Variants in KCNMA1 observed in about 807,000 individuals in gnomAD.
The protein encoded by KCNMA1 is Calcium-activated potassium channel subunit alpha-1.
KCNMA1 carries 29 observed loss-of-function variants against 140.0 expected under a neutral mutation model. The ratio of observed to expected loss-of-function variants is 0.21; its 90% CI spans 0.15 to 0.28. The LOEUF (loss-of-function observed/expected upper bound fraction) is 0.28. KCNMA1 is among the 10% of genes least tolerant of loss of function. The pLI, the probability that KCNMA1 is intolerant of heterozygous loss-of-function variation, is 1.00. For missense variants in KCNMA1, 880 were observed against 1,602.2 expected (o/e 0.55, Z 7.70); for synonymous variants, 612 against 611.9 (o/e 1.00, Z 0.00).
chr10:77,198,123 G>A lies in KCNMA1; in HGVS notation c.603-13207C>T, dbSNP rs2041216083. ...CATCAACCATAATTGTTAAGATGTT[G>A]TGAAAATTCAGGAGAAACAAGGCAT... is the stretch of plus-strand genomic sequence containing the variant. On this transcript the variant is annotated intron_variant, in intron 3 of 27. Transcript: ENST00000286628. Among the ~76,000 whole-genome samples the A allele has an allele frequency of 3.3e-5, 5 of 152,270 alleles. No individual in the cohort carries two copies. The South Asian group carries it at 1.0e-3, about 32-fold the overall frequency.
chr10:77,491,714 TAC>T (rs3071912), intron 1 of KCNMA1, among the ~76,000 whole-genome samples: 18,904 of 145,414 alleles, frequency 0.13, 1,378 homozygotes, highest in Middle Eastern at 0.22. Flanking sequence ...TTAGAAGTCA[TAC>T]ACACACACAC....
Position 76,887,260 on chromosome 10 carries a change from C to G in KCNMA1, c.*6G>C. 6.2e-7 allele frequency: 1 copy of G among 1,613,960 alleles called. No individual in the cohort carries two copies. Among genetic ancestry groups the G allele is most frequent in the African/African-American group, 1.3e-5 (1 of 74,972 alleles). ...CAGTTTCACACAGTGGCGGTGGATA[C>G]ACATATCAAAGCCGCTCTTCCTGCA... On this transcript the variant is annotated 3_prime_UTR_variant, in exon 28 of 28. Transcript: ENST00000286628.
intron 1 of KCNMA1, among the ~76,000 whole-genome samples, chr10:77,591,179 G>A (rs560495727): frequency 4.6e-5 from 7 of 152,130 alleles, no homozygotes; most frequent in African/African-American, 1.2e-4. Context: ...TCCTCTGGGG[G>A]CTCAGACTCC....
intron 5 of KCNMA1, among the ~76,000 whole-genome samples, chr10:77,181,814 A>T (rs898633273): frequency 6.6e-6 from 1 of 152,206 alleles, no homozygotes; most frequent in Non-Finnish European, 1.5e-5. Flanking sequence ...CTAACCAAGC[A>T]TATCTCAGGT....
chr10:77,183,218 G>C (rs1360332821), intron 5 of KCNMA1, among the ~76,000 whole-genome samples: 1 of 152,220 alleles, frequency 6.6e-6, no homozygotes, highest in Non-Finnish European at 1.5e-5. Context: ...TGCACTGCCT[G>C]AAGCGCAAAC....
At chr10:77,185,078 T>C (rs1181026126) in intron 3 of KCNMA1, among the ~76,000 whole-genome samples, 162 bp from the exon 4 acceptor site, 1 of 152,156 alleles carries the variant, frequency 6.6e-6, no homozygotes, top group East Asian at 1.9e-4. Flanking sequence ...CAAGCAAGCA[T>C]TGCCAAGGGG....
intron 1 of KCNMA1, among the ~76,000 whole-genome samples, chr10:77,455,488 G>T (rs2097746376): frequency 1.3e-5 from 2 of 152,140 alleles, no homozygotes; most frequent in Non-Finnish European, 2.9e-5. Context: ...GTGAGGCTCA[G>T]TGATTTCCTT....
At chr10:77,086,931 C>A (rs541120487) in intron 10 of KCNMA1, among the ~76,000 whole-genome samples, 1 of 152,160 alleles carries the variant, frequency 6.6e-6, no homozygotes, top group Non-Finnish European at 1.5e-5. Context: ...TCATTTTATG[C>A]GGACTGTGCC....
intron 2 of KCNMA1, among the ~76,000 whole-genome samples, chr10:77,305,713 T>C (rs757890773): frequency 9.9e-5 from 15 of 152,180 alleles, no homozygotes; most frequent in Non-Finnish European, 1.9e-4. Flanking sequence ...AGCTGCTCCA[T>C]AGGCTACCTG....
intron 2 of KCNMA1, among the ~76,000 whole-genome samples, chr10:77,254,803 G>C (rs1431917144): frequency 6.6e-6 from 1 of 152,130 alleles, no homozygotes; most frequent in Admixed American, 6.5e-5. Flanking sequence ...TATAGTTTCA[G>C]GGACAAGGAG....
At chr10:77,520,843 A>T (rs1381272714) in intron 1 of KCNMA1, among the ~76,000 whole-genome samples, 1 of 152,154 alleles carries the variant, frequency 6.6e-6, no homozygotes, top group African/African-American at 2.4e-5. Flanking sequence ...GCCTCAGGGA[A>T]AGGCGTGAAC....
intron 1 of KCNMA1, among the ~76,000 whole-genome samples, chr10:77,428,960 A>G (rs595386): frequency 0.49 from 74,087 of 151,990 alleles, 19,638 homozygotes; most frequent in African/African-American, 0.7. Context: ...GGGTGGAAAC[A>G]AGACCCAGGA....
intron 9 of KCNMA1, among the ~76,000 whole-genome samples, chr10:77,106,634 G>T (rs564725955): frequency 1.3e-5 from 2 of 152,306 alleles, no homozygotes; most frequent in East Asian, 3.9e-4. Flanking sequence ...CAGTGATTGG[G>T]AAATGCTGGC....
chr10:77,482,314 C>T (rs2098407295), intron 1 of KCNMA1, among the ~76,000 whole-genome samples: 1 of 152,158 alleles, frequency 6.6e-6, no homozygotes, highest in Non-Finnish European at 1.5e-5. Context: ...ATGCTGGGTC[C>T]CAGGGCCAAA....
chr10:76,958,141 TTTG>T (rs2069169041), intron 20 of KCNMA1, among the ~76,000 whole-genome samples: 1 of 152,152 alleles, frequency 6.6e-6, no homozygotes, highest in Non-Finnish European at 1.5e-5. Context: ...AATTGGGCCG[TTTG>T]TTGTATGGAA....
intron 2 of KCNMA1, among the ~76,000 whole-genome samples, chr10:77,303,549 C>T (rs924406616): frequency 6.6e-6 from 1 of 151,978 alleles, no homozygotes; most frequent in Non-Finnish European, 1.5e-5. Context: ...AGTAAATTTC[C>T]TAAAGGAAAC....
At chr10:77,136,727 C>G (rs1354384634) in intron 5 of KCNMA1, among the ~76,000 whole-genome samples, 1 of 152,068 alleles carries the variant, frequency 6.6e-6, no homozygotes, top group African/African-American at 2.4e-5. Flanking sequence ...CAAAGGCAGA[C>G]ATTTTGGATT....
intron 5 of KCNMA1, among the ~76,000 whole-genome samples, chr10:77,146,304 G>A (rs1158174503): frequency 1.3e-5 from 2 of 152,070 alleles, no homozygotes; most frequent in Non-Finnish European, 2.9e-5. Flanking sequence ...ACTGTGCCTT[G>A]GGTTCAAATG....
chr10:77,234,490 T>C (rs1242623359), intron 3 of KCNMA1, among the ~76,000 whole-genome samples: 5 of 152,236 alleles, frequency 3.3e-5, no homozygotes, highest in African/African-American at 1.2e-4. Context: ...ATTTATTGAG[T>C]TAATTACGGA....
Sources: gnomAD v4.1 joint callset for allele counts (sites outside exome capture counted in the v4.1 genomes callset) on GRCh38, gnomAD v4.1.1 for gene constraint, MANE v1.5 for transcripts, NCBI Gene and HGNC (gene_info 2026-07-23, HGNC 2026-07-21) for gene names.